Variants in IL17RC observed in about 807,000 individuals in gnomAD.
The protein encoded by IL17RC is interleukin-17 receptor C.
A neutral mutation model predicts 86.7 loss-of-function variants in IL17RC; 53 were observed. That is an observed-to-expected ratio of 0.61 (90% CI 0.49 to 0.77). The LOEUF (loss-of-function observed/expected upper bound fraction) is 0.77. Among genes scored for constraint, IL17RC ranks in the 30% least tolerant of loss-of-function variants. The pLI is 0.00. For synonymous variants in IL17RC, 439 were observed against 413.1 expected (o/e 1.06, Z -0.76); for missense variants, 957 against 940.0 (o/e 1.02, Z -0.24).
Position 9,918,568 on chromosome 3 carries a change from G to A in IL17RC, c.424G>A (p.Val142Met). 1 of 1,614,194 alleles carries A rather than the reference G, an allele frequency of 6.2e-7. No individual in the cohort carries two copies. Among genetic ancestry groups the A allele is most frequent in the Non-Finnish European group, 8.5e-7 (1 of 1,180,032 alleles). Residue 142 changes from valine (V) to methionine (M), a missense_variant, in exon 5 of 19, where the codon GTG becomes ATG. Val to Met is a conservative substitution (Grantham distance 21). Transcript: ENST00000403601. ...TACTGCCCGCTGCGTCCTGCTGGAGGTGCAAGTGCCTGCTGCCCTTGTGCA... is the reference window on the plus strand; with the variant it reads ...TACTGCCCGCTGCGTCCTGCTGGAGATGCAAGTGCCTGCTGCCCTTGTGCA... ...YPTARCVLLE[V>M]QVPAALVQFG... is the part of the protein sequence containing the mutation.
chr3:9,917,147 G>A lies in IL17RC; in HGVS notation c.-169G>A. Reference sequence around the variant, plus strand: ...AGTAGGAGGAGAGTCAGGACTCCCAGGACAGAGAGTGCACAAACTACCCAG... The same window carrying A: ...AGTAGGAGGAGAGTCAGGACTCCCAAGACAGAGAGTGCACAAACTACCCAG... On this transcript the variant is annotated 5_prime_UTR_variant, in exon 1 of 19. Coordinates refer to ENST00000403601, the MANE Select transcript of IL17RC (RefSeq NM_153460.4). 1 of 610,318 alleles carries A rather than the reference G, an allele frequency of 1.6e-6. No homozygotes were observed. The highest frequency in any genetic ancestry group is 2.9e-6 in the Non-Finnish European group (1 of 346,004). 37.8% of individuals were successfully genotyped at this position (610,318 alleles called of 1,614,324 possible).
Position 9,928,329 on chromosome 3 carries a change from G to C in IL17RC, c.902G>C (p.Trp301Ser), listed in dbSNP as rs1559311879. ...GACCCCCGCGCACACCAGAACCTCT[G>C]GCAAGCCGCCCGACTGCAACTGCTG... ...REDPRAHQNLWQAARLQLLTL... is the reference protein window; with the variant it reads ...REDPRAHQNLSQAARLQLLTL... The change falls in exon 11 of 19, where the codon TGG (tryptophan) becomes TCG (serine). Residue 301 changes from tryptophan to serine, a missense_variant. Coordinates refer to ENST00000403601, the MANE Select transcript of IL17RC (RefSeq NM_153460.4). The C allele has an allele frequency of 6.2e-7, 1 of 1,604,152 alleles. No homozygotes were observed. The highest frequency in any genetic ancestry group is 1.3e-5 in the African/African-American group (1 of 74,786).
rs574744546 is a variant in IL17RC at position 9,922,971 on chromosome 3, C to T, written c.623-910C>T. On this transcript the variant is annotated intron_variant, in intron 7 of 18. Transcript: ENST00000403601. ...CTGGCGGATCACGAGGTCAGGAGAT[C>T]GAGACCATCCTGGCTAACACGGTGA... is the stretch of plus-strand genomic sequence containing the variant. Among the ~76,000 whole-genome samples, 24 of 151,548 alleles carry T rather than the reference C, an allele frequency of 1.6e-4. No homozygotes were observed. In the East Asian group the frequency reaches 1.8e-3, roughly 11 times the overall value.
rs375190595 is a variant in IL17RC at position 9,928,259 on chromosome 3, G to A, written c.877+39G>A. The A allele has an allele frequency of 1.6e-5, 26 of 1,613,808 alleles. No homozygotes were observed. In the Admixed American group the frequency reaches 1.8e-4, roughly 11 times the overall value. On this transcript the variant is annotated intron_variant, in intron 10 of 18. Transcript: ENST00000403601. ...CCTGGGGCTGGGGTTGGGGTGTTGC[G>A]AGCGATGGGTACCTGGCCTGCGGTG...
intron 16 of IL17RC, among the ~76,000 whole-genome samples, chr3:9,931,470 C>CACACACACACACACACACATATAT (rs750351615): frequency 3.0e-4 from 13 of 43,738 alleles, no homozygotes; most frequent in African/African-American, 6.0e-4. Flanking sequence ...CACACACACA[C>CACACACACACACACACACATATAT]ATATATATAT....
chr3:9,928,647 T>A lies in IL17RC; in HGVS notation c.1110+17T>A. ...TGTGTTCAGGTCAGAAAGGGGTGCA[T>A]AGTGCTGGGCTGGAGGCTGGACCTG... On this transcript the variant is annotated intron_variant, in intron 12 of 18. Coordinates refer to ENST00000403601, the MANE Select transcript of IL17RC (RefSeq NM_153460.4). 6.2e-7 allele frequency: 1 copy of A among 1,613,220 alleles called. No homozygotes were observed. Among genetic ancestry groups the A allele is most frequent in the South Asian group, 1.1e-5 (1 of 91,054 alleles).
In IL17RC at chr3:9,932,867, G is replaced by C. The variant is rs777612521; in HGVS notation, c.1522+9G>C. 6.3e-6 allele frequency: 10 copies of C among 1,580,194 alleles called. No homozygotes were observed. In the South Asian group the frequency reaches 1.2e-4, roughly 18 times the overall value. ...GGACGTCCGCTCGGGGGGTGAGTGGGAGCAAGCGCTGGGCGGAGGGCCGCC... is the reference window on the plus strand; with the variant it reads ...GGACGTCCGCTCGGGGGGTGAGTGGCAGCAAGCGCTGGGCGGAGGGCCGCC... On this transcript the variant is annotated intron_variant, in intron 18 of 18. Coordinates refer to ENST00000403601, the MANE Select transcript of IL17RC (RefSeq NM_153460.4).
chr3:9,917,271 G>GGT lies in IL17RC; in HGVS notation c.-44_-43insTG. 2.0e-6 allele frequency: 3 copies of GGT among 1,521,114 alleles called. No homozygotes were observed. Among genetic ancestry groups the GGT allele is most frequent in the Non-Finnish European group, 2.7e-6 (3 of 1,119,500 alleles). 94.2% of individuals were successfully genotyped at this position (1,521,114 alleles called of 1,614,324 possible). A position where few individuals can be genotyped will look rare whatever the true frequency, so the allele number is the denominator to read the frequency against. ...GGGGTGTCTGCCCCCCTTGGGGGGG[G>GGT]GCAGCACAGGGCCTCAGGCCTGGGT... On this transcript the variant is annotated 5_prime_UTR_variant, in exon 1 of 19. Coordinates refer to ENST00000403601, the MANE Select transcript of IL17RC (RefSeq NM_153460.4).
At chr3:9,923,409 C>T (rs1193486634) in intron 7 of IL17RC, among the ~76,000 whole-genome samples, 1 of 151,102 alleles carries the variant, frequency 6.6e-6, no homozygotes, top group South Asian at 2.1e-4. Flanking sequence ...AAAAACTAGC[C>T]GGGGGTGGTG....
intron 9 of IL17RC, among the ~76,000 whole-genome samples, chr3:9,925,434 T>C (rs1440519653): frequency 6.6e-6 from 1 of 152,086 alleles, no homozygotes; most frequent in Non-Finnish European, 1.5e-5. Flanking sequence ...CACATTTAAT[T>C]GGTCATCAGG....
At chr3:9,925,156 C>A (rs1343031767) in intron 9 of IL17RC, among the ~76,000 whole-genome samples, 1 of 149,982 alleles carries the variant, frequency 6.7e-6, no homozygotes, top group Admixed American at 6.7e-5. Context: ...TTCTCTGTCG[C>A]CCAGGCTGGA....
At position 9,933,522 on chromosome 3, in the gene IL17RC, C is replaced by A. The variant is rs754708507; in HGVS notation, c.2092C>A (p.Pro698Thr). The A allele has an allele frequency of 3.1e-6, 5 of 1,608,354 alleles. No individual in the cohort carries two copies. The highest frequency in any genetic ancestry group is 1.7e-5 in the Admixed American group (1 of 59,580). ...GCCAGCCCTGGATAGCTACTTCCATCCCCCGGGGACTCCCGCGCCGGGACG... is the reference window on the plus strand; with the variant it reads ...GCCAGCCCTGGATAGCTACTTCCATACCCCGGGGACTCCCGCGCCGGGACG... Reference protein sequence around the residue: ...LQPALDSYFHPPGTPAPGRGV... With the variant: ...LQPALDSYFHTPGTPAPGRGV... Residue 698 changes from proline to threonine, a missense_variant, in exon 19 of 19, where the codon CCC becomes ACC. By Grantham distance (38) the Pro-to-Thr change is conservative. Transcript: ENST00000403601.
chr3:9,929,637 G>A (rs2084464093), intron 12 of IL17RC: 1 of 620,992 alleles, frequency 1.6e-6, no homozygotes, highest in African/African-American at 1.8e-5. Flanking sequence ...CAGCTTTAGG[G>A]TCAGAAGACG....
In IL17RC at chr3:9,930,492, G is replaced by T. The variant is rs1328001621; in HGVS notation, c.1338+33G>T. ...GGTGGAAGAAGGGCCCCACCTCAAT[G>T]CCTAGGGGCAACAGGCCTAAAACTA... On this transcript the variant is annotated intron_variant, in intron 15 of 18. Coordinates refer to ENST00000403601, the MANE Select transcript of IL17RC (RefSeq NM_153460.4). The surrounding 1 kb of genome is among the most constrained non-coding windows in gnomAD (Gnocchi z 5.8). The T allele has an allele frequency of 3.7e-6, 6 of 1,606,476 alleles. No homozygotes were observed. The Admixed American group carries it at 6.7e-5, about 18-fold the overall frequency.
In IL17RC at chr3:9,922,306, AATACTGTGAATACATCAC is replaced by A. The variant is rs367652718; in HGVS notation, c.622+1347_622+1364del. ...TAACTAGCACCCAGATCAATACATA[AATACTGTGAATACATCAC>A]ATACTGTGATGTTTTCTGAACTACT... On this transcript the variant is annotated intron_variant, in intron 7 of 18. Coordinates refer to ENST00000403601, the MANE Select transcript of IL17RC (RefSeq NM_153460.4). Among the ~76,000 whole-genome samples the A allele has an allele frequency of 5.4e-3, 818 of 152,274 alleles. 9 individuals are homozygous for A. Among genetic ancestry groups the A allele is most frequent in the African/African-American group, 0.019 (770 of 41,560 alleles).
Position 9,917,599 on chromosome 3 carries a change from T to C in IL17RC, c.106-114T>C, listed in dbSNP as rs754778250. On this transcript the variant is annotated intron_variant, in intron 1 of 18. Coordinates refer to ENST00000403601, the MANE Select transcript of IL17RC (RefSeq NM_153460.4). ...GGCAAGAGCTGGGTCTGTCTTTCTC[T>C]GGGAGGGTCTGGGAATACGGAGCCC... 1.9e-6 allele frequency: 3 copies of C among 1,613,980 alleles called. No homozygotes were observed. Among genetic ancestry groups the C allele is most frequent in the African/African-American group, 2.7e-5 (2 of 74,910 alleles).
chr3:9,928,431 G>A lies in IL17RC; in HGVS notation c.1004G>A (p.Gly335Glu), dbSNP rs769364951. Residue 335 changes from glycine (G) to glutamate (E), a missense_variant, in exon 11 of 19, where the codon GGG (glycine) becomes GAG (glutamate). Transcript: ENST00000403601. ...GCACTGTGCTGGCGGGCTCCGGGTG[G>A]GGACCCCTGCCAGCCACTGGTCCCA... is the stretch of plus-strand genomic sequence containing the variant. ...EAALCWRAPG[G>E]DPCQPLVPPL... The A allele has an allele frequency of 6.8e-6, 11 of 1,607,000 alleles. No homozygotes were observed. Among genetic ancestry groups the A allele is most frequent in the Admixed American group, 3.4e-5 (2 of 59,390 alleles).
At position 9,928,428 on chromosome 3, in the gene IL17RC, G is replaced by A. The variant is rs780547356; in HGVS notation, c.1001G>A (p.Gly334Asp). 4.4e-6 allele frequency: 7 copies of A among 1,607,144 alleles called. No homozygotes were observed. The highest frequency in any genetic ancestry group is 5.9e-6 in the Non-Finnish European group (7 of 1,179,014). The change falls in exon 11 of 19, where the codon GGT becomes GAT. Residue 334 changes from glycine to aspartate, a missense_variant. Transcript: ENST00000403601. Reference sequence around the variant, plus strand: ...GCGGCACTGTGCTGGCGGGCTCCGGGTGGGGACCCCTGCCAGCCACTGGTC... The same window carrying A: ...GCGGCACTGTGCTGGCGGGCTCCGGATGGGGACCCCTGCCAGCCACTGGTC... ...AEAALCWRAP[G>D]GDPCQPLVPP...
At chr3:9,931,453 T>TCACACACACA (rs201407577) in intron 16 of IL17RC, among the ~76,000 whole-genome samples, 21 of 44,950 alleles carry the variant, frequency 4.7e-4, no homozygotes, top group South Asian at 1.5e-3. Context: ...TTTATATATT[T>TCACACACACA]CACACACACA....
Sources: gnomAD v4.1 joint callset for allele counts (sites outside exome capture counted in the v4.1 genomes callset) on GRCh38, gnomAD v4.1.1 for gene constraint, Gnocchi (gnomAD v3.1) non-coding constraint, MANE v1.5 for transcripts, NCBI Gene and HGNC (gene_info 2026-07-23, HGNC 2026-07-21) for gene names.